The following SPART variants were observed in gnomAD, a reference collection of about 807,000 sequenced individuals.
SPART encodes the protein spartin.
In SPART, 35 loss-of-function variants were observed where a neutral mutation model predicts 58.7. The observed-to-expected ratio is 0.60, with a 90% CI of 0.46 to 0.79. SPART has a LOEUF of 0.79. Ranked by LOEUF, SPART falls within the 30% of genes least tolerant of loss-of-function variation. SPART has a pLI of 0.00. For synonymous variants in SPART, 284 were observed against 280.7 expected (o/e 1.01, Z -0.12); for missense variants, 730 against 786.1 (o/e 0.93, Z 0.85).
chr13:36,309,462 C>A (rs1880866932), intron 8 of SPART, among the ~76,000 whole-genome samples: 1 of 152,234 alleles, frequency 6.6e-6, no homozygotes, highest in East Asian at 1.9e-4. Context: ...CTATTCATAA[C>A]AGCAAAGACA....
intron 8 of SPART, among the ~76,000 whole-genome samples, chr13:36,307,351 T>C (rs965229748): frequency 2.0e-5 from 3 of 152,158 alleles, no homozygotes; most frequent in Non-Finnish European, 4.4e-5. Flanking sequence ...TTTTGGGTAA[T>C]ATGACACCTG....
At position 36,331,387 on chromosome 13, in the gene SPART, C is replaced by CT. The variant is rs971292722; in HGVS notation, c.1008+11_1008+12insA. On this transcript the variant is annotated intron_variant, in intron 3 of 8. Coordinates refer to ENST00000438666, the MANE Select transcript of SPART (RefSeq NM_015087.5). ...AGATTTTTTTCACCCTAAAGATGAT[C>CT]ACACAAGTTACCTGGAGCCGAAGGT... 1.2e-5 allele frequency: 19 copies of CT among 1,612,982 alleles called. No individual in the cohort carries two copies. Among genetic ancestry groups the CT allele is most frequent in the Non-Finnish European group, 1.4e-5 (16 of 1,179,164 alleles).
In SPART at chr13:36,335,538, C is replaced by T. The variant is rs1239774322; in HGVS notation, c.293G>A (p.Gly98Asp). The T allele has an allele frequency of 3.1e-6, 5 of 1,614,026 alleles. No individual in the cohort carries two copies. The highest frequency in any genetic ancestry group is 4.2e-6 in the Non-Finnish European group (5 of 1,180,034). Residue 98 changes from glycine (G) to aspartate (D), a missense_variant, in exon 2 of 9, where the codon GGT becomes GAT. By Grantham distance (94) the Gly-to-Asp change is moderately conservative. Transcript: ENST00000438666. ...ATCATTCTGCAGAGAAGTGGCAAGA[C>T]CCTTCTCTAGAATTTCCAGCCTGGT... Reference protein sequence around the residue: ...VRTRLEILEKGLATSLQNDLQ... With the variant: ...VRTRLEILEKDLATSLQNDLQ...
intron 4 of SPART, among the ~76,000 whole-genome samples, chr13:36,328,232 A>G (rs1883137053): frequency 6.6e-6 from 1 of 152,204 alleles, no homozygotes; most frequent in Non-Finnish European, 1.5e-5. Flanking sequence ...ACACTTTGCA[A>G]ATAAATGTAG....
Position 36,318,796 on chromosome 13 carries a change from G to T in SPART, c.1289-4375C>A, listed in dbSNP as rs543337089. ...CCTAAGCCCCGTCCCATCTGTGTGG[G>T]ACCCCACTGAAAATCGGACTGTTCA... On this transcript the variant is annotated intron_variant, in intron 5 of 8. Transcript: ENST00000438666. 3.9e-5 allele frequency among the ~76,000 whole-genome samples: 6 copies of T among 152,246 alleles called. No individual in the cohort carries two copies. In the South Asian group the frequency reaches 1.2e-3, roughly 32 times the overall value.
At chr13:36,307,066 G>C (rs2137272453) in intron 8 of SPART, among the ~76,000 whole-genome samples, 1 of 152,178 alleles carries the variant, frequency 6.6e-6, no homozygotes, top group Non-Finnish European at 1.5e-5. Context: ...ATAAATAACT[G>C]TTTAGTCCTT....
chr13:36,342,407 A>C (rs1158142164), intron 1 of SPART, among the ~76,000 whole-genome samples: 3 of 152,228 alleles, frequency 2.0e-5, no homozygotes, highest in South Asian at 2.1e-4. Context: ...ACATGGCCCC[A>C]AAAGCCTAAA....
chr13:36,319,736 C>T (rs924905181), intron 5 of SPART, among the ~76,000 whole-genome samples: 2 of 140,580 alleles, frequency 1.4e-5, no homozygotes, highest in African/African-American at 2.5e-5. Context: ...TCATCCCAGC[C>T]TTTCTTCGCT....
At chr13:36,352,116 G>A (rs1566146453) in intron 1 of SPART, among the ~76,000 whole-genome samples, 2 of 152,296 alleles carry the variant, frequency 1.3e-5, no homozygotes, top group South Asian at 2.1e-4. Context: ...TGTTCTAAAA[G>A]TTGTACATGA....
intron 5 of SPART, among the ~76,000 whole-genome samples, chr13:36,320,638 G>A (rs535700754): frequency 1.9e-4 from 29 of 152,138 alleles, no homozygotes; most frequent in Admixed American, 4.6e-4. Flanking sequence ...CATCAAGCTC[G>A]AGGATTTGCT....
chr13:36,326,832 A>C, intron 4 of SPART, 134 bp from the exon 5 acceptor site: 4 of 941,950 alleles, frequency 4.2e-6, no homozygotes, highest in Non-Finnish European at 6.5e-6. Context: ...CAACCTAGTT[A>C]CCAGTATGGT....
In SPART at chr13:36,312,212, A is replaced by G; in HGVS notation, c.1666T>C (p.Leu556=). Residue 556 remains leucine (L), a synonymous_variant, in exon 8 of 9, where the codon TTG becomes CTG. Transcript: ENST00000438666. ...VQGFSTVWQG[L]ECAAKCIVNN... ...ACGATGCATTTAGCTGCACATTCCAATCCTTGCCAGACAGTTGAAAATCCT... is the reference window on the plus strand; with the variant it reads ...ACGATGCATTTAGCTGCACATTCCAGTCCTTGCCAGACAGTTGAAAATCCT... 1.9e-6 allele frequency: 3 copies of G among 1,614,192 alleles called. No individual in the cohort carries two copies. The highest frequency in any genetic ancestry group is 2.5e-6 in the Non-Finnish European group (3 of 1,180,030).
intron 1 of SPART, chr13:36,368,352 A>G (rs368929241): frequency 1.6e-5 from 4 of 245,312 alleles, no homozygotes; most frequent in Middle Eastern, 4.5e-4. Flanking sequence ...AGGTACAGAA[A>G]GAATGTATTG....
chr13:36,362,699 C>T (rs1168029617), intron 1 of SPART, among the ~76,000 whole-genome samples: 2 of 152,114 alleles, frequency 1.3e-5, no homozygotes, highest in African/African-American at 4.8e-5. Context: ...ACCCTCAGGG[C>T]TTGCTTGGTG....
intron 8 of SPART, among the ~76,000 whole-genome samples, chr13:36,308,665 G>C (rs1351150303): frequency 6.8e-6 from 1 of 148,070 alleles, no homozygotes; most frequent in East Asian, 2.0e-4. Context: ...CATTAGAGTA[G>C]GCCATAAAAC....
intron 5 of SPART, among the ~76,000 whole-genome samples, chr13:36,321,383 G>A (rs1167219613): frequency 2.0e-5 from 3 of 152,020 alleles, no homozygotes; most frequent in Admixed American, 6.6e-5. Flanking sequence ...CTCCTTAGGC[G>A]CTCTCTAATC....
intron 1 of SPART, chr13:36,365,420 T>C (rs2137731945): frequency 2.9e-6 from 1 of 344,122 alleles, no homozygotes. Flanking sequence ...ATGTTATTAT[T>C]ATTCTTTTTC....
chr13:36,312,295 T>C (rs779960530), intron 7 of SPART, 24 bp downstream of exon 7: 1 of 1,614,082 alleles, frequency 6.2e-7, no homozygotes, highest in Admixed American at 1.7e-5. Context: ...ACCTTCATAG[T>C]TAAAATTCTG....
intron 5 of SPART, 78 bp from the exon 6 acceptor site, chr13:36,314,499 C>A: frequency 1.4e-6 from 2 of 1,387,474 alleles, no homozygotes; most frequent in South Asian, 1.2e-5. Context: ...TAACATCAAC[C>A]AGAAAAAAAT....
Sources: allele counts gnomAD v4.1 joint callset (sites outside exome capture counted in the v4.1 genomes callset), GRCh38; gene constraint gnomAD v4.1.1; transcripts MANE v1.5; gene names NCBI Gene and HGNC (gene_info 2026-07-23, HGNC 2026-07-21).